BTBD9: variants seen among roughly 807,000 people sequenced by gnomAD.
The protein encoded by BTBD9 is BTB domain containing 9, also known as BTB/POZ domain-containing protein 9.
BTBD9 carries 49 observed loss-of-function variants against 64.3 expected under a neutral mutation model. That is an observed-to-expected ratio of 0.76 (90% CI 0.61 to 0.97). BTBD9 has a LOEUF of 0.97. Ranked by LOEUF, BTBD9 falls within the 50% of genes least tolerant of loss-of-function variation. The pLI is 0.00. For synonymous variants in BTBD9, 260 were observed against 274.7 expected, an observed-to-expected ratio of 0.95 and a Z score of 0.53; for missense variants, 598 against 762.1, an observed-to-expected ratio of 0.78 and a Z score of 2.53.
chr6:38,342,258 G>A (rs1297315977), intron 7 of BTBD9, among the ~76,000 whole-genome samples: 2 of 151,988 alleles, frequency 1.3e-5, no homozygotes, highest in Non-Finnish European at 2.9e-5. Context: ...TTTGAGGGCC[G>A]GGCATGGTGG....
intron 6 of BTBD9, among the ~76,000 whole-genome samples, chr6:38,524,895 C>A (rs1194456297): frequency 1.3e-5 from 2 of 152,114 alleles, no homozygotes; most frequent in Non-Finnish European, 2.9e-5. Context: ...CTCTCTGTAT[C>A]TGGAGTAGCT....
chr6:38,475,584 G>A (rs187356892), intron 6 of BTBD9, among the ~76,000 whole-genome samples: 186 of 152,216 alleles, frequency 1.2e-3, no homozygotes, highest in Non-Finnish European at 1.8e-3. Context: ...CTGTTTTCTG[G>A]TTTTTTGTCC....
At chr6:38,551,191 C>T (rs932983461) in intron 6 of BTBD9, among the ~76,000 whole-genome samples, 5 of 152,168 alleles carry the variant, frequency 3.3e-5, no homozygotes, top group African/African-American at 1.2e-4. Context: ...GACATGTTGT[C>T]CAATCTGTAC....
chr6:38,207,552 G>A (rs1410294559), intron 9 of BTBD9, among the ~76,000 whole-genome samples: 1 of 152,182 alleles, frequency 6.6e-6, no homozygotes, highest in Non-Finnish European at 1.5e-5. Flanking sequence ...GAGCCTGGGG[G>A]ATCAGGGCTG....
chr6:38,215,148 T>G (rs1762968386), intron 9 of BTBD9, among the ~76,000 whole-genome samples: 1 of 152,198 alleles, frequency 6.6e-6, no homozygotes, highest in Non-Finnish European at 1.5e-5. Context: ...ATCAGATGGA[T>G]CAGCTATTAA....
chr6:38,486,891 T>A (rs924492056), intron 6 of BTBD9, among the ~76,000 whole-genome samples: 1 of 152,228 alleles, frequency 6.6e-6, no homozygotes, highest in Admixed American at 6.5e-5. Context: ...AAAAGGGGTA[T>A]GCTTGTAGCA....
rs1434926175 is a variant in BTBD9, at chr6:38,598,071, G to A, written c.24C>T (p.Arg8=). The A allele has an allele frequency of 6.2e-7, 1 of 1,613,848 alleles. No individual in the cohort carries two copies. Among genetic ancestry groups the A allele is most frequent in the East Asian group, 2.2e-5 (1 of 44,884 alleles). ...CAATTTCCCCCACTGCAGTAAAGGGGCGAAGAGGGTGGCTGTTACTCATCT... is the reference window on the plus strand; with the variant it reads ...CAATTTCCCCCACTGCAGTAAAGGGACGAAGAGGGTGGCTGTTACTCATCT... MSNSHPL[R]PFTAVGEIDH... The change falls in exon 2 of 11, where the codon CGC becomes CGT. Residue 8 remains arginine (R), a synonymous_variant. Transcript: ENST00000481247.
At chr6:38,507,698 CT>C (rs1466545478) in intron 6 of BTBD9, among the ~76,000 whole-genome samples, 9 of 152,280 alleles carry the variant, frequency 5.9e-5, no homozygotes, top group African/African-American at 1.9e-4. Context: ...ATAAGCCCCC[CT>C]CTTCTCTTTT....
At chr6:38,378,245 C>CTTT (rs1222285736) in intron 6 of BTBD9, among the ~76,000 whole-genome samples, 2 of 136,932 alleles carry the variant, frequency 1.5e-5, no homozygotes, top group Non-Finnish European at 3.2e-5. Flanking sequence ...CAAAACTTTT[C>CTTT]TTTTTTTTTT....
intron 6 of BTBD9, among the ~76,000 whole-genome samples, chr6:38,567,754 A>G (rs1280688059): frequency 6.6e-6 from 1 of 152,206 alleles, no homozygotes; most frequent in Non-Finnish European, 1.5e-5. Flanking sequence ...GGGAACTTCT[A>G]CCATTTATAA....
rs116634524 is a variant in BTBD9 at position 38,628,877 on chromosome 6, C to A, written c.-28+10923G>T. 3.6e-3 allele frequency among the ~76,000 whole-genome samples: 553 copies of A among 152,134 alleles called. 3 individuals are homozygous for A. The highest frequency in any genetic ancestry group is 0.013 in the African/African-American group (529 of 41,496). ...TACCAAGTGTTCCTTGGAGAAATAG[C>A]TGATTCCAGGGAAGGGGTAGGGAAA... On this transcript the variant is annotated intron_variant, in intron 1 of 10. Transcript: ENST00000481247.
chr6:38,575,404 A>T (rs1319065122), intron 6 of BTBD9, among the ~76,000 whole-genome samples: 2 of 152,184 alleles, frequency 1.3e-5, no homozygotes, highest in Non-Finnish European at 2.9e-5. Context: ...TAAACACGCA[A>T]AGGACACTAA....
At chr6:38,422,973 T>A (rs774565870) in intron 6 of BTBD9, among the ~76,000 whole-genome samples, 6 of 152,072 alleles carry the variant, frequency 3.9e-5, no homozygotes, top group African/African-American at 7.2e-5. Flanking sequence ...AAATATATAT[T>A]TTTTAAATAG....
chr6:38,246,746 T>C (rs976217172), intron 9 of BTBD9, among the ~76,000 whole-genome samples: 5 of 152,160 alleles, frequency 3.3e-5, no homozygotes, highest in African/African-American at 9.7e-5. Flanking sequence ...CCAGAACTCA[T>C]TAATTGGTTC....
intron 10 of BTBD9, among the ~76,000 whole-genome samples, chr6:38,177,976 C>A: frequency 6.6e-6 from 1 of 151,932 alleles, no homozygotes; most frequent in South Asian, 2.1e-4. Flanking sequence ...TTAGGGGACC[C>A]TGGAAGCCCC....
chr6:38,378,654 G>A (rs1357252995), intron 6 of BTBD9, among the ~76,000 whole-genome samples: 5 of 151,576 alleles, frequency 3.3e-5, no homozygotes, highest in African/African-American at 1.2e-4. Flanking sequence ...CAGGTAGACC[G>A]CTTGAGGTCA....
chr6:38,454,473 T>C (rs1302309396), intron 6 of BTBD9, among the ~76,000 whole-genome samples: 2 of 147,770 alleles, frequency 1.4e-5, no homozygotes, highest in Non-Finnish European at 3.0e-5. Context: ...TTATCTTAAA[T>C]ATAGGGCCAA....
intron 6 of BTBD9, among the ~76,000 whole-genome samples, chr6:38,459,601 G>A (rs1380427352): frequency 1.3e-5 from 2 of 152,192 alleles, no homozygotes; most frequent in African/African-American, 4.8e-5. Context: ...AGCCTACGAG[G>A]AACAGAATCC....
intron 7 of BTBD9, among the ~76,000 whole-genome samples, chr6:38,308,689 G>A (rs527631091): frequency 5.9e-5 from 9 of 152,048 alleles, no homozygotes; most frequent in African/African-American, 1.4e-4. Flanking sequence ...CTGCAGCCTC[G>A]ACCTCTCACA....
Sources: allele counts gnomAD v4.1 joint callset (sites outside exome capture counted in the v4.1 genomes callset), GRCh38; gene constraint gnomAD v4.1.1; transcripts MANE v1.5; gene names NCBI Gene and HGNC (gene_info 2026-07-23, HGNC 2026-07-21).